Variants in PIP5K1B observed in about 807,000 individuals in gnomAD.
The protein encoded by PIP5K1B is phosphatidylinositol 4-phosphate 5-kinase type-1 beta.
A neutral mutation model predicts 67.0 loss-of-function variants in PIP5K1B; 42 were observed. That is an observed-to-expected ratio of 0.63 (90% CI 0.49 to 0.81). The LOEUF (loss-of-function observed/expected upper bound fraction) is 0.81. PIP5K1B is among the 30% of genes least tolerant of loss of function. The pLI, the probability that PIP5K1B is intolerant of heterozygous loss-of-function variation, is 0.00. For synonymous variants in PIP5K1B, 214 were observed against 231.4 expected (o/e 0.92, Z 0.68); for missense variants, 459 against 646.3 (o/e 0.71, Z 3.14).
chr9:68,731,271 G>C (rs902656029), intron 1 of PIP5K1B, among the ~76,000 whole-genome samples: 3 of 152,184 alleles, frequency 2.0e-5, no homozygotes, highest in African/African-American at 7.2e-5. Context: ...TGGATAGGAC[G>C]TATATATTTT....
At chr9:68,772,904 T>G (rs918276445) in intron 2 of PIP5K1B, among the ~76,000 whole-genome samples, 4 of 152,224 alleles carry the variant, frequency 2.6e-5, no homozygotes, top group African/African-American at 9.6e-5. Context: ...AACTCTGTTA[T>G]AGGCCCTTTA....
intron 2 of PIP5K1B, chr9:68,780,734 C>T (rs1831217208): frequency 6.2e-7 from 1 of 1,614,196 alleles, no homozygotes; most frequent in Non-Finnish European, 8.5e-7. Context: ...GCCAGAGCCC[C>T]ATCAATTGCA....
At chr9:68,805,843 T>G (rs1832846631) in intron 2 of PIP5K1B, among the ~76,000 whole-genome samples, 1 of 152,234 alleles carries the variant, frequency 6.6e-6, no homozygotes, top group Non-Finnish European at 1.5e-5. Flanking sequence ...AAGTGAATGC[T>G]GAATGGATTG....
intron 1 of PIP5K1B, among the ~76,000 whole-genome samples, chr9:68,708,959 A>G (rs911675731): frequency 6.6e-6 from 1 of 152,232 alleles, no homozygotes; most frequent in African/African-American, 2.4e-5. Flanking sequence ...ATGGGTAAGA[A>G]AACTAAAACT....
intron 4 of PIP5K1B, among the ~76,000 whole-genome samples, chr9:68,847,413 TTG>T (rs777818994): frequency 0.066 from 6,677 of 101,476 alleles, 189 homozygotes; most frequent in African/African-American, 0.11. Context: ...AGCAGTGGTT[TTG>T]TGTGTGTGTG....
intron 8 of PIP5K1B, among the ~76,000 whole-genome samples, chr9:68,911,189 C>A (rs1825827682): frequency 6.6e-6 from 1 of 151,852 alleles, no homozygotes; most frequent in Non-Finnish European, 1.5e-5. Flanking sequence ...GCCTGACCAA[C>A]ATGGAGAAAC....
chr9:68,832,437 G>T lies in PIP5K1B; in HGVS notation c.69+9754G>T, dbSNP rs139561673. On this transcript the variant is annotated intron_variant, in intron 4 of 15. Coordinates refer to ENST00000265382, the MANE Select transcript of PIP5K1B (RefSeq NM_003558.4). Reference sequence around the variant, plus strand: ...ATTTTGAAAGTCATTTTCCTCTATGGGAATCCAGTTCTCCCAAATGGTACA... The same window carrying T: ...ATTTTGAAAGTCATTTTCCTCTATGTGAATCCAGTTCTCCCAAATGGTACA... Among the ~76,000 whole-genome samples the T allele has an allele frequency of 4.0e-3, 614 of 152,284 alleles. 1 individual carries two copies. Among genetic ancestry groups the T allele is most frequent in the Non-Finnish European group, 6.6e-3 (449 of 68,024 alleles).
At chr9:68,834,299 G>T (rs895963774) in intron 4 of PIP5K1B, among the ~76,000 whole-genome samples, 2 of 152,106 alleles carry the variant, frequency 1.3e-5, no homozygotes, top group African/African-American at 4.8e-5. Context: ...TCCTTCCCAC[G>T]CAAGCTGATC....
At chr9:68,966,268 C>A (rs1366530385) in intron 14 of PIP5K1B, among the ~76,000 whole-genome samples, 9 of 152,240 alleles carry the variant, frequency 5.9e-5, no homozygotes, top group African/African-American at 1.7e-4. Flanking sequence ...GAACACAACA[C>A]CCCATCCCTT....
intron 4 of PIP5K1B, among the ~76,000 whole-genome samples, chr9:68,860,885 C>G (rs562232171): frequency 6.6e-6 from 1 of 152,116 alleles, no homozygotes; most frequent in Non-Finnish European, 1.5e-5. Flanking sequence ...TGTGTTACCT[C>G]GTGTAAGTTG....
intron 6 of PIP5K1B, among the ~76,000 whole-genome samples, chr9:68,886,465 G>T (rs1193565896): frequency 6.6e-6 from 1 of 152,180 alleles, no homozygotes; most frequent in Non-Finnish European, 1.5e-5. Context: ...ATGTATGTAG[G>T]CACCTACCAT....
chr9:68,836,044 C>A (rs10869396), intron 4 of PIP5K1B, among the ~76,000 whole-genome samples: 47,664 of 151,818 alleles, frequency 0.31, 7,618 homozygotes, highest in South Asian at 0.38. Context: ...GTGCCACCCT[C>A]TTGAAGGACA....
intron 4 of PIP5K1B, among the ~76,000 whole-genome samples, chr9:68,823,741 T>G (rs1380126931): frequency 6.6e-6 from 1 of 152,204 alleles, no homozygotes; most frequent in African/African-American, 2.4e-5. Context: ...GTATTGAAGG[T>G]TTATTATTTC....
intron 14 of PIP5K1B, among the ~76,000 whole-genome samples, chr9:68,950,074 T>G (rs1827984594): frequency 6.6e-6 from 1 of 152,206 alleles, no homozygotes; most frequent in African/African-American, 2.4e-5. Flanking sequence ...TATTTTAGGT[T>G]AGCAACACCT....
intron 14 of PIP5K1B, among the ~76,000 whole-genome samples, chr9:68,948,543 G>T (rs753610232): frequency 7.2e-5 from 11 of 152,016 alleles, no homozygotes; most frequent in Non-Finnish European, 1.2e-4. Flanking sequence ...TACTTGGGAG[G>T]CTAAGATGGG....
chr9:68,908,437 G>GA (rs796132773), intron 8 of PIP5K1B, among the ~76,000 whole-genome samples: 340 of 137,338 alleles, frequency 2.5e-3, no homozygotes, highest in African/African-American at 5.2e-3. Context: ...TTTAAGTGTG[G>GA]AAAAAAAAAA....
intron 14 of PIP5K1B, among the ~76,000 whole-genome samples, chr9:68,953,558 A>G (rs565906914): frequency 6.6e-6 from 1 of 152,180 alleles, no homozygotes; most frequent in South Asian, 2.1e-4. Flanking sequence ...GTTCACACCT[A>G]TAATCCCAGC....
At chr9:68,706,930 G>C (rs955195225) in intron 1 of PIP5K1B, among the ~76,000 whole-genome samples, 1 of 152,170 alleles carries the variant, frequency 6.6e-6, no homozygotes, top group Non-Finnish European at 1.5e-5. Flanking sequence ...GTTTCATTAG[G>C]ACTCTAATGT....
At chr9:68,941,119 T>C (rs1277438440) in intron 14 of PIP5K1B, 1 of 478,526 alleles carries the variant, frequency 2.1e-6, no homozygotes, top group Admixed American at 2.3e-5. Context: ...TAGTTAATAT[T>C]ACACAGGTAG....
Sources: gnomAD v4.1 joint callset for allele counts (sites outside exome capture counted in the v4.1 genomes callset) on GRCh38, gnomAD v4.1.1 for gene constraint, MANE v1.5 for transcripts, NCBI Gene and HGNC (gene_info 2026-07-23, HGNC 2026-07-21) for gene names.